Variants in DLGAP1 observed in about 807,000 individuals in gnomAD.
DLGAP1 encodes disks large-associated protein 1.
A neutral mutation model predicts 90.8 loss-of-function variants in DLGAP1; 11 were observed. That is an observed-to-expected ratio of 0.12 (90% CI 0.08 to 0.20). The LOEUF (loss-of-function observed/expected upper bound fraction) is 0.20. Among genes scored for constraint, DLGAP1 ranks in the 10% least tolerant of loss-of-function variants. The pLI is 1.00. For missense variants in DLGAP1, 1,050 were observed against 1,333.8 expected, an observed-to-expected ratio of 0.79 and a Z score of 3.31; for synonymous variants, 558 against 540.7, an observed-to-expected ratio of 1.03 and a Z score of -0.44.
chr18:3,728,299 G>GTT (rs1394566453), intron 7 of DLGAP1, among the ~76,000 whole-genome samples: 6 of 100,976 alleles, frequency 5.9e-5, no homozygotes, highest in East Asian at 7.5e-4. Context: ...GAACGCAAAT[G>GTT]TTATATATAT....
intron 1 of DLGAP1, among the ~76,000 whole-genome samples, chr18:4,236,932 A>G (rs988681568): frequency 3.3e-5 from 5 of 152,194 alleles, no homozygotes; most frequent in African/African-American, 7.2e-5. Flanking sequence ...AAAAACATAT[A>G]AACAGTTCTC....
At chr18:3,569,026 A>G (rs1381582282) in intron 8 of DLGAP1, among the ~76,000 whole-genome samples, 1 of 145,618 alleles carries the variant, frequency 6.9e-6, no homozygotes, top group Non-Finnish European at 1.5e-5. Context: ...TTTTTGAGAC[A>G]GAGTCTCACT....
chr18:4,230,668 T>C (rs551554575), intron 1 of DLGAP1, among the ~76,000 whole-genome samples: 99 of 149,412 alleles, frequency 6.6e-4, no homozygotes, highest in African/African-American at 2.3e-3. Context: ...GGATGGTTAA[T>C]GGGTACATAA....
intron 1 of DLGAP1, among the ~76,000 whole-genome samples, chr18:4,453,393 G>T (rs913622773): frequency 6.6e-6 from 1 of 152,092 alleles, no homozygotes; most frequent in Non-Finnish European, 1.5e-5. Flanking sequence ...AATAAATTAG[G>T]ATCTTGTAAA....
intron 1 of DLGAP1, among the ~76,000 whole-genome samples, chr18:4,161,027 T>C (rs1448598127): frequency 6.9e-6 from 1 of 145,548 alleles, no homozygotes; most frequent in African/African-American, 2.8e-5. Flanking sequence ...TTGTTTTCCT[T>C]ATGCTTTTTT....
rs556763499 is a variant in DLGAP1, at chr18:4,056,624, T to C, written c.-158-51423A>G. ...TCAAAAGTCAAGGACTGTTACTTCA[T>C]CACTGAAACCAAAGTAAGTCCTGTC... is the stretch of plus-strand genomic sequence containing the variant. On this transcript the variant is annotated intron_variant, in intron 2 of 12. Coordinates refer to ENST00000315677, the MANE Select transcript of DLGAP1 (RefSeq NM_004746.4). 2.6e-5 allele frequency among the ~76,000 whole-genome samples: 4 copies of C among 152,258 alleles called. No individual in the cohort carries two copies. In the South Asian group the frequency reaches 8.3e-4, roughly 32 times the overall value.
chr18:3,833,190 CT>C (rs1312236628), intron 4 of DLGAP1, among the ~76,000 whole-genome samples: 14 of 29,982 alleles, frequency 4.7e-4, no homozygotes, highest in East Asian at 1.4e-3. Context: ...TCCTTCCTTC[CT>C]TCCTTCCTTC....
At chr18:4,175,851 C>T (rs60078201) in intron 1 of DLGAP1, among the ~76,000 whole-genome samples, 10,165 of 152,108 alleles carry the variant, frequency 0.067, 885 homozygotes, top group East Asian at 0.24. Flanking sequence ...AATTTGAAGT[C>T]GGGTAGTGTG....
Position 4,348,408 on chromosome 18 carries a change from G to A in DLGAP1, c.-267+106598C>T, listed in dbSNP as rs879428935. On this transcript the variant is annotated intron_variant, in intron 1 of 12. Coordinates refer to ENST00000315677, the MANE Select transcript of DLGAP1 (RefSeq NM_004746.4). ...TCAGGATGAACTCAGGAATGTGTGT[G>A]TGTGTGTGTGTGTGTGTGTGTGTGT... Among the ~76,000 whole-genome samples, 1,261 of 147,098 alleles carry A rather than the reference G, an allele frequency of 8.6e-3. 16 individuals carry two copies. Among genetic ancestry groups the A allele is most frequent in the African/African-American group, 0.014 (569 of 40,568 alleles).
chr18:3,840,062 C>T (rs1225211647), intron 4 of DLGAP1, among the ~76,000 whole-genome samples: 2 of 152,226 alleles, frequency 1.3e-5, no homozygotes, highest in Non-Finnish European at 2.9e-5. Flanking sequence ...GTTGCAATTC[C>T]TCTGACCACG....
At chr18:4,364,084 T>C (rs2081697669) in intron 1 of DLGAP1, among the ~76,000 whole-genome samples, 1 of 151,742 alleles carries the variant, frequency 6.6e-6, no homozygotes, top group African/African-American at 2.4e-5. Context: ...CCATAAAAAA[T>C]GATGAGTTCA....
chr18:3,814,849 T>A (rs1273283220), intron 4 of DLGAP1, among the ~76,000 whole-genome samples: 1 of 152,166 alleles, frequency 6.6e-6, no homozygotes, highest in Non-Finnish European at 1.5e-5. Context: ...AAGTATTTTC[T>A]TTTTTTGGTA....
intron 7 of DLGAP1, among the ~76,000 whole-genome samples, chr18:3,680,714 G>A (rs1343916336): frequency 3.3e-5 from 5 of 151,248 alleles, no homozygotes; most frequent in African/African-American, 7.3e-5. Flanking sequence ...GCGTGAACCC[G>A]GGAGGCGGAG....
intron 2 of DLGAP1, among the ~76,000 whole-genome samples, chr18:4,107,004 G>A (rs1342981457): frequency 3.3e-5 from 5 of 152,106 alleles, no homozygotes; most frequent in East Asian, 1.9e-4. Flanking sequence ...CATTCTGATC[G>A]TTTAAAATAA....
chr18:3,725,815 A>G (rs1422232045), intron 7 of DLGAP1, among the ~76,000 whole-genome samples: 1 of 152,202 alleles, frequency 6.6e-6, no homozygotes, highest in Non-Finnish European at 1.5e-5. Flanking sequence ...AGGTATCTCC[A>G]TTCATCCTTG....
rs565122624 is a variant in DLGAP1, at chr18:3,963,135, G to A, written c.-73+41981C>T. ...GATGGGGGAGACTGCTTTGCTTTGG[G>A]GGTGCCAGAGGGGATTTTTCCTTAA... On this transcript the variant is annotated intron_variant, in intron 3 of 12. Transcript: ENST00000315677. Among the ~76,000 whole-genome samples the A allele has an allele frequency of 2.6e-5, 4 of 152,186 alleles. No individual in the cohort carries two copies. The South Asian group carries it at 6.2e-4, about 24-fold the overall frequency.
At chr18:4,031,052 G>A (rs2074788182) in intron 2 of DLGAP1, among the ~76,000 whole-genome samples, 1 of 152,132 alleles carries the variant, frequency 6.6e-6, no homozygotes, top group African/African-American at 2.4e-5. Flanking sequence ...CACTGGCTCT[G>A]GGTCTCTTCT....
At chr18:4,269,646 G>A (rs184759515) in intron 1 of DLGAP1, among the ~76,000 whole-genome samples, 97 of 151,958 alleles carry the variant, frequency 6.4e-4, no homozygotes, top group Non-Finnish European at 1.0e-3. Context: ...GAGCCACCGC[G>A]CCCGGCCATA....
chr18:3,526,354 C>G lies in DLGAP1; in HGVS notation c.2479+7840G>C, dbSNP rs2051616835. Among the ~76,000 whole-genome samples, 1 of 152,134 alleles carries G rather than the reference C, an allele frequency of 6.6e-6. No individual in the cohort carries two copies. Among genetic ancestry groups the G allele is most frequent in the African/African-American group, 2.4e-5 (1 of 41,434 alleles). ...CAGGCGGATAAACCCTGGGTGATGG[C>G]ACCGATAGACCATCACAATGACTGT... On this transcript the variant is annotated intron_variant, in intron 10 of 12. Transcript: ENST00000315677. The surrounding 1 kb of genome is among the most constrained non-coding windows in gnomAD (Gnocchi z 4.7).
Sources: allele counts gnomAD v4.1 joint callset (sites outside exome capture counted in the v4.1 genomes callset), GRCh38; gene constraint gnomAD v4.1.1; non-coding constraint Gnocchi (gnomAD v3.1); transcripts MANE v1.5; gene names NCBI Gene and HGNC (gene_info 2026-07-23, HGNC 2026-07-21).